TLR9: variants seen among roughly 807,000 people sequenced by gnomAD.
TLR9 encodes the protein toll-like receptor 9.
TLR9 carries 19 observed loss-of-function variants against 24.6 expected under a neutral mutation model. The observed-to-expected ratio is 0.77, with a 90% CI of 0.54 to 1.13. The LOEUF (loss-of-function observed/expected upper bound fraction) is 1.13. TLR9 is among the 50% of genes most tolerant of loss of function. The pLI, the probability that TLR9 is intolerant of heterozygous loss-of-function variation, is 0.00. For synonymous variants in TLR9, 579 were observed against 609.8 expected (o/e 0.95, Z 0.74); for missense variants, 1,065 against 1,379.6 (o/e 0.77, Z 3.61).
chr3:52,223,665 G>T lies in TLR9; in HGVS notation c.651C>A (p.Asn217Lys). 6.3e-7 allele frequency: 1 copy of T among 1,596,158 alleles called. No individual in the cohort carries two copies. Among genetic ancestry groups the T allele is most frequent in the African/African-American group, 1.3e-5 (1 of 74,504 alleles). The change falls in exon 2 of 2, where the codon AAC (asparagine) becomes AAA (lysine). Residue 217 changes from asparagine (N) to lysine (K), a missense_variant. Transcript: ENST00000360658. ...GCAGATACTCCAGGCTGGAAGGCAG[G>T]TTGCGGGGCACCACAGTGAGGTTGT... ...KYNNLTVVPR[N>K]LPSSLEYLLL...
Position 52,222,355 on chromosome 3 carries a change from C to A in TLR9, c.1961G>T (p.Ser654Ile). The change falls in exon 2 of 2, where the codon AGC becomes ATC. Residue 654 changes from serine (S) to isoleucine (I), a missense_variant. By Grantham distance (142) the Ser-to-Ile change is moderately radical. Coordinates refer to ENST00000360658, the MANE Select transcript of TLR9 (RefSeq NM_017442.4). ...LPQTLRNLPK[S>I]LQVLRLRDNY... ...GTCACGGAGACGCAGCACCTGTAGG[C>A]TCTTGGGGAGGTTGCGCAGGGTTTG... The A allele has an allele frequency of 6.2e-7, 1 of 1,614,194 alleles. No homozygotes were observed. The highest frequency in any genetic ancestry group is 8.5e-7 in the Non-Finnish European group (1 of 1,180,040).
rs1351188775 is a variant in TLR9, at chr3:52,222,120, A to G, written c.2196T>C (p.Leu732=). The change falls in exon 2 of 2, where the codon CTT becomes CTC. Residue 732 remains leucine (L), a synonymous_variant. Transcript: ENST00000360658. Reference sequence around the variant, plus strand: ...CCACTGTCTTGAGGGCGTTGGCGCTAAGGTTGAGCTCTCGCAGCTCCTTGG... The same window carrying G: ...CCACTGTCTTGAGGGCGTTGGCGCTGAGGTTGAGCTCTCGCAGCTCCTTGG... ...SKAKELRELN[L]SANALKTVDH... 4 of 1,612,234 alleles carry G rather than the reference A, an allele frequency of 2.5e-6. No individual in the cohort carries two copies. Among genetic ancestry groups the G allele is most frequent in the Admixed American group, 1.7e-5 (1 of 59,746 alleles).
In TLR9 at chr3:52,221,372, G is replaced by T. The variant is rs142806370; in HGVS notation, c.2944C>A (p.Arg982=). 6 of 1,586,478 alleles carry T rather than the reference G, an allele frequency of 3.8e-6. No homozygotes were observed. The East Asian group carries it at 1.1e-4, about 30-fold the overall frequency. ...TGGCGGCAGAGGCGCTGGCGCAGCC[G>T]CACGTAGCGGGAGCGGCGGCCGTCA... ...SPDGRRSRYV[R]LRQRLCRQSV... Residue 982 remains arginine (R), a synonymous_variant, in exon 2 of 2, where the codon CGG becomes AGG. Coordinates refer to ENST00000360658, the MANE Select transcript of TLR9 (RefSeq NM_017442.4). This position sits in a 1 kb window ranked among gnomAD's most constrained non-coding sequence, Gnocchi z 9.9.
rs199915646 is a variant in TLR9, at chr3:52,221,977, G to A, written c.2339C>T (p.Ala780Val). 1 of 1,608,486 alleles carries A rather than the reference G, an allele frequency of 6.2e-7. No homozygotes were observed. Among genetic ancestry groups the A allele is most frequent in the East Asian group, 2.2e-5 (1 of 44,788 alleles). ...CACCCGGCTGGGCAGACCGGGCACG[G>A]CAGCCTGCACCTCCAGCAGGAAGTC... ...FMDFLLEVQA[A>V]VPGLPSRVKC... Residue 780 changes from alanine (A) to valine (V), a missense_variant, in exon 2 of 2, where the codon GCC becomes GTC. Physicochemically the swap from Ala to Val is moderately conservative, Grantham distance 64. Coordinates refer to ENST00000360658, the MANE Select transcript of TLR9 (RefSeq NM_017442.4). The surrounding 1 kb of genome is among the most constrained non-coding windows in gnomAD (Gnocchi z 9.9).
chr3:52,221,418 C>T lies in TLR9; in HGVS notation c.2898G>A (p.Val966=). Residue 966 remains valine, a synonymous_variant, in exon 2 of 2, where the codon GTG becomes GTA. Coordinates refer to ENST00000360658, the MANE Select transcript of TLR9 (RefSeq NM_017442.4). The surrounding 1 kb of genome is among the most constrained non-coding windows in gnomAD (Gnocchi z 9.9). ...CGTCAGGGCTCAGGATCACCAGCAC[C>T]ACGACGTCCTTGCGGTCCTCCAGCA... The part of the protein sequence containing the change: ...QRLLEDRKDV[V]VLVILSPDGR... 1.2e-6 allele frequency: 2 copies of T among 1,602,316 alleles called. No homozygotes were observed. The highest frequency in any genetic ancestry group is 1.7e-6 in the Non-Finnish European group (2 of 1,172,672).
rs1166311703 is a variant in TLR9 at position 52,224,035 on chromosome 3, A to C, written c.281T>G (p.Leu94Arg). 6.3e-7 allele frequency: 1 copy of C among 1,584,670 alleles called. No individual in the cohort carries two copies. Among genetic ancestry groups the C allele is most frequent in the Non-Finnish European group, 8.6e-7 (1 of 1,161,608 alleles). ...AHLPSLRHLN[L>R]KWNCPPVGLS... Reference sequence around the variant, plus strand: ...GCCAACCGGCGGGCAGTTCCACTTGAGGTTGAGATGCCGCAGGCTGGGCAG... The same window carrying C: ...GCCAACCGGCGGGCAGTTCCACTTGCGGTTGAGATGCCGCAGGCTGGGCAG... The change falls in exon 2 of 2, where the codon CTC becomes CGC. Residue 94 changes from leucine (L) to arginine (R), a missense_variant. Leu to Arg is a moderately radical substitution (Grantham distance 102). Transcript: ENST00000360658.
rs201773500 is a variant in TLR9 at position 52,222,875 on chromosome 3, G to A, written c.1441C>T (p.Arg481Trp). The A allele has an allele frequency of 5.0e-6, 8 of 1,608,552 alleles. No individual in the cohort carries two copies. Among genetic ancestry groups the A allele is most frequent in the African/African-American group, 1.3e-5 (1 of 74,852 alleles). The change falls in exon 2 of 2, where the codon CGG (arginine) becomes TGG (tryptophan). Residue 481 changes from arginine (R) to tryptophan (W), a missense_variant. Coordinates refer to ENST00000360658, the MANE Select transcript of TLR9 (RefSeq NM_017442.4). ...STLNFTLDLS[R>W]NNLVTVQPEM... ...GGCTGCACGGTCACCAGGTTGTTCC[G>A]TGACAGATCCAAGGTGAAGTTGAGG...
intron 1 of TLR9, among the ~76,000 whole-genome samples, chr3:52,224,661 G>A (rs1432616341): frequency 1.3e-5 from 2 of 152,128 alleles, no homozygotes; most frequent in African/African-American, 4.8e-5. Flanking sequence ...TCCTGCTCCT[G>A]AGCAAGGTGG....
rs200101208 is a variant in TLR9 at position 52,222,023 on chromosome 3, C to T, written c.2293G>A (p.Ala765Thr). 26 of 1,610,336 alleles carry T rather than the reference C, an allele frequency of 1.6e-5. No individual in the cohort carries two copies. Among genetic ancestry groups the T allele is most frequent in the East Asian group, 2.2e-5 (1 of 44,834 alleles). The change falls in exon 2 of 2, where the codon GCC becomes ACC. Residue 765 changes from alanine to threonine, a missense_variant. Ala to Thr is a moderately conservative substitution (Grantham distance 58). Coordinates refer to ENST00000360658, the MANE Select transcript of TLR9 (RefSeq NM_017442.4). ...AAGTCCATAAAGGCCGCCCCACAGG[C>T]GCAGTGCAGAGGGTTGGCGCTTACA... ...LDVSANPLHCACGAAFMDFLL... is the reference protein window; with the variant it reads ...LDVSANPLHCTCGAAFMDFLL...
rs771546686 is a variant in TLR9 at position 52,223,890 on chromosome 3, G to A, written c.426C>T (p.Pro142=). The A allele has an allele frequency of 6.2e-7, 1 of 1,610,068 alleles. No individual in the cohort carries two copies. The highest frequency in any genetic ancestry group is 1.7e-5 in the Admixed American group (1 of 59,534). The part of the protein sequence containing the change: ...YNNIMTVPAL[P]KSLISLSLSH... ...TGAGGGACAGGGATATGAGGGATTT[G>A]GGCAGCGCAGGCACAGTCATGATGT... Residue 142 remains proline, a synonymous_variant, in exon 2 of 2, where the codon CCC becomes CCT. Coordinates refer to ENST00000360658, the MANE Select transcript of TLR9 (RefSeq NM_017442.4).
chr3:52,224,817 AC>A (rs963921944), intron 1 of TLR9, among the ~76,000 whole-genome samples: 7 of 152,134 alleles, frequency 4.6e-5, no homozygotes, highest in Non-Finnish European at 1.0e-4. Flanking sequence ...CCTCCCAGGG[AC>A]CCTGGCCAGA....
rs776772605 is a variant in TLR9, at chr3:52,223,568, C to T, written c.748G>A (p.Asp250Asn). ...LANLTALRVL[D>N]VGGNCRRCDH... The stretch of plus-strand genomic sequence containing the variant: ...CAGCGGCGGCAATTTCCGCCCACAT[C>T]GAGCACACGCAGGGCGGTCAGATTG... The change falls in exon 2 of 2, where the codon GAT becomes AAT. Residue 250 changes from aspartate to asparagine, a missense_variant. Asp to Asn is a conservative substitution (Grantham distance 23). Coordinates refer to ENST00000360658, the MANE Select transcript of TLR9 (RefSeq NM_017442.4). 8.5e-6 allele frequency: 13 copies of T among 1,535,140 alleles called. No individual in the cohort carries two copies. The highest frequency in any genetic ancestry group is 1.1e-5 in the Non-Finnish European group (13 of 1,140,330).
chr3:52,222,468 C>T lies in TLR9; in HGVS notation c.1848G>A (p.Glu616=). 1 of 1,614,254 alleles carries T rather than the reference C, an allele frequency of 6.2e-7. No homozygotes were observed. ...SGNALGHMWA[E]GDLYLHFFQG... is the part of the protein sequence containing the mutation. ...GGAAGAAGTGCAGATAGAGGTCTCCCTCGGCCCACATATGGCCCAGTGCAT... is the reference window on the plus strand; with the variant it reads ...GGAAGAAGTGCAGATAGAGGTCTCCTTCGGCCCACATATGGCCCAGTGCAT... The change falls in exon 2 of 2, where the codon GAG becomes GAA. Residue 616 remains glutamate, a synonymous_variant. Coordinates refer to ENST00000360658, the MANE Select transcript of TLR9 (RefSeq NM_017442.4).
chr3:52,225,017 T>TC (rs1434791653), intron 1 of TLR9, among the ~76,000 whole-genome samples: 9 of 152,178 alleles, frequency 5.9e-5, no homozygotes, highest in Non-Finnish European at 8.8e-5. Context: ...AGTCTCCTCG[T>TC]CCCCTCTGGG....
In TLR9 at chr3:52,224,143, A is replaced by G. The variant is rs55979550; in HGVS notation, c.173T>C (p.Met58Thr). 1 of 1,587,688 alleles carries G rather than the reference A, an allele frequency of 6.3e-7. No individual in the cohort carries two copies. Among genetic ancestry groups the G allele is most frequent in the Non-Finnish European group, 8.6e-7 (1 of 1,162,170 alleles). The change falls in exon 2 of 2, where the codon ATG (methionine) becomes ACG (threonine). Residue 58 changes from methionine to threonine, a missense_variant. Met to Thr is a moderately conservative substitution (Grantham distance 81). Coordinates refer to ENST00000360658, the MANE Select transcript of TLR9 (RefSeq NM_017442.4). Reference protein sequence around the residue: ...LFLKSVPHFSMAAPRGNVTSL... With the variant: ...LFLKSVPHFSTAAPRGNVTSL... ...GGTGACATTGCCACGGGGTGCTGCC[A>G]TGGAGAAGTGGGGCACAGACTTCAG...
Position 52,224,252 on chromosome 3 carries a change from T to C in TLR9, c.64A>G (p.Met22Val). The C allele has an allele frequency of 6.2e-7, 1 of 1,612,636 alleles. No homozygotes were observed. Among genetic ancestry groups the C allele is most frequent in the South Asian group, 1.1e-5 (1 of 90,960 alleles). Residue 22 changes from methionine to valine, a missense_variant, in exon 2 of 2, where the codon ATG (methionine) becomes GTG (valine). Transcript: ENST00000360658. ...SLLVQAIMLA[M>V]TLALGTLPAF... is the part of the protein sequence containing the mutation. Reference sequence around the variant, plus strand: ...GGCAAGGTACCCAGGGCCAGGGTCATGGCCAGCATGATGGCCTGCACCAGG... The same window carrying C: ...GGCAAGGTACCCAGGGCCAGGGTCACGGCCAGCATGATGGCCTGCACCAGG...
rs56165062 is a variant in TLR9 at position 52,224,927 on chromosome 3, G to C, written c.3+600C>G. On this transcript the variant is annotated intron_variant, in intron 1 of 1. Transcript: ENST00000360658. Reference sequence around the variant, plus strand: ...GATGGAGAGAGGGGTGGCCTGCAAAGTGCCAGACAGAGCCAGCCCCAAGCT... The same window carrying C: ...GATGGAGAGAGGGGTGGCCTGCAAACTGCCAGACAGAGCCAGCCCCAAGCT... Among the ~76,000 whole-genome samples, 3 of 152,350 alleles carry C rather than the reference G, an allele frequency of 2.0e-5. No individual in the cohort carries two copies. The South Asian group carries it at 6.2e-4, about 32-fold the overall frequency.
chr3:52,224,872 C>G (rs1699605707), intron 1 of TLR9, among the ~76,000 whole-genome samples: 1 of 152,262 alleles, frequency 6.6e-6, no homozygotes, highest in African/African-American at 2.4e-5. Flanking sequence ...CTCACCTAGC[C>G]CGAGAGCCTT....
At position 52,222,089 on chromosome 3, in the gene TLR9, A is replaced by G; in HGVS notation, c.2227T>C (p.Ser743Pro). Reference protein sequence around the residue: ...SANALKTVDHSWFGPLASALQ... With the variant: ...SANALKTVDHPWFGPLASALQ... Reference sequence around the variant, plus strand: ...GCACTCGCCAGGGGCCCAAACCAGGAGTGGTCCACTGTCTTGAGGGCGTTG... The same window carrying G: ...GCACTCGCCAGGGGCCCAAACCAGGGGTGGTCCACTGTCTTGAGGGCGTTG... The change falls in exon 2 of 2, where the codon TCC becomes CCC. Residue 743 changes from serine to proline, a missense_variant. Transcript: ENST00000360658. 6.2e-7 allele frequency: 1 copy of G among 1,612,492 alleles called. No individual in the cohort carries two copies. Among genetic ancestry groups the G allele is most frequent in the Non-Finnish European group, 8.5e-7 (1 of 1,179,194 alleles).
Sources: gnomAD v4.1 joint callset for allele counts (sites outside exome capture counted in the v4.1 genomes callset) on GRCh38, gnomAD v4.1.1 for gene constraint, Gnocchi (gnomAD v3.1) non-coding constraint, MANE v1.5 for transcripts, NCBI Gene and HGNC (gene_info 2026-07-23, HGNC 2026-07-21) for gene names.